The following KAZN variants were observed in gnomAD, a reference collection of about 807,000 sequenced individuals.
The protein encoded by KAZN is kazrin.
A neutral mutation model predicts 87.4 loss-of-function variants in KAZN; 40 were observed. The observed-to-expected ratio is 0.46, with a 90% CI of 0.36 to 0.60. KAZN has a LOEUF of 0.60. KAZN is among the 20% of genes least tolerant of loss of function. KAZN has a pLI of 0.00. For synonymous variants in KAZN, 466 were observed against 458.3 expected (o/e 1.02, Z -0.22); for missense variants, 898 against 1,073.9 (o/e 0.84, Z 2.29).
At chr1:14,436,973 C>T (rs372644851) in intron 2 of KAZN, among the ~76,000 whole-genome samples, 5 of 152,152 alleles carry the variant, frequency 3.3e-5, no homozygotes, top group Admixed American at 2.6e-4. Flanking sequence ...TTTTAAAAGT[C>T]CTGTTTCCCT....
At chr1:14,488,644 T>C (rs1186135674) in intron 2 of KAZN, among the ~76,000 whole-genome samples, 6 of 152,190 alleles carry the variant, frequency 3.9e-5, no homozygotes. Flanking sequence ...ACAGGCTGCT[T>C]TTTTCATTCA....
Position 14,598,813 on chromosome 1 carries a change from C to T in KAZN, c.-185C>T, listed in dbSNP as rs1256331715. The T allele has an allele frequency of 7.3e-6, 10 of 1,362,216 alleles. No homozygotes were observed. 84.4% of individuals were successfully genotyped at this position (1,362,216 alleles called of 1,614,324 possible). On this transcript the variant is annotated 5_prime_UTR_variant, in exon 1 of 15. Transcript: ENST00000376030. This position sits in a 1 kb window ranked among gnomAD's most constrained non-coding sequence, Gnocchi z 4.2. Reference sequence around the variant, plus strand: ...CGCCTCGCCACCGCCGCGGCTAGGGCTGGAGGCGCCGCTGTCATTCCTGTG... The same window carrying T: ...CGCCTCGCCACCGCCGCGGCTAGGGTTGGAGGCGCCGCTGTCATTCCTGTG...
At chr1:14,030,635 T>TACACACACACAC (rs60838104) in intron 1 of KAZN, among the ~76,000 whole-genome samples, 166 of 145,112 alleles carry the variant, frequency 1.1e-3, no homozygotes, top group African/African-American at 4.0e-3. Flanking sequence ...TGTACACAGA[T>TACACACACACAC]ACACACACAC....
In KAZN at chr1:15,104,057, A is replaced by G. The variant is rs779271931; in HGVS notation, c.1916A>G (p.His639Arg). 1 of 1,613,772 alleles carries G rather than the reference A, an allele frequency of 6.2e-7. No individual in the cohort carries two copies. The highest frequency in any genetic ancestry group is 8.5e-7 in the Non-Finnish European group (1 of 1,179,822). The change falls in exon 13 of 15, where the codon CAT becomes CGT. Residue 639 changes from histidine to arginine, a missense_variant. By Grantham distance (29) the His-to-Arg change is conservative (BLOSUM62 0). Coordinates refer to ENST00000376030, the MANE Select transcript of KAZN (RefSeq NM_201628.3). ...YADNLTNSGV[H>R]GAVLVLEPTF... The stretch of plus-strand genomic sequence containing the variant: ...GACAACCTGACCAACAGCGGCGTCC[A>G]TGGTGCTGTGCTGGTGCTGGAGCCC...
chr1:15,075,881 C>T (rs1639717376), intron 8 of KAZN, among the ~76,000 whole-genome samples: 1 of 152,214 alleles, frequency 6.6e-6, no homozygotes, highest in African/African-American at 2.4e-5. Flanking sequence ...TGGGCATGTC[C>T]ATGCTGCCAG....
At chr1:15,088,701 A>AC (rs1640385349) in intron 8 of KAZN, among the ~76,000 whole-genome samples, 1 of 151,132 alleles carries the variant, frequency 6.6e-6, no homozygotes, top group Non-Finnish European at 1.5e-5. Context: ...ATGGTTTATG[A>AC]CCCCAAGGCC....
chr1:14,925,767 C>T (rs1162812078), intron 1 of KAZN, among the ~76,000 whole-genome samples: 37 of 152,152 alleles, frequency 2.4e-4, no homozygotes. Context: ...ATGGTAGCCT[C>T]CCCAGGAGAT....
chr1:14,758,509 C>T (rs2100531643), intron 1 of KAZN, among the ~76,000 whole-genome samples: 1 of 151,664 alleles, frequency 6.6e-6, no homozygotes, highest in East Asian at 1.9e-4. Flanking sequence ...ATGAGAGTTT[C>T]ACTATGTTGC....
chr1:14,541,664 G>T (rs1260661115), intron 2 of KAZN, among the ~76,000 whole-genome samples: 1 of 152,330 alleles, frequency 6.6e-6, no homozygotes, highest in Non-Finnish European at 1.5e-5. Flanking sequence ...CCCATCTGGG[G>T]CAAAGCTTCG....
intron 1 of KAZN, among the ~76,000 whole-genome samples, chr1:14,771,869 A>G (rs2038116): frequency 0.59 from 89,636 of 151,934 alleles, 27,589 homozygotes; most frequent in Middle Eastern, 0.73. Context: ...AAGGGGTAGA[A>G]ATACTGCCCC....
chr1:14,311,188 G>A (rs781095667), intron 2 of KAZN, among the ~76,000 whole-genome samples: 2 of 152,156 alleles, frequency 1.3e-5, no homozygotes, highest in African/African-American at 4.8e-5. Context: ...GGAATATCAT[G>A]GAGGGTTAAG....
At chr1:14,734,282 G>T (rs994950842) in intron 1 of KAZN, among the ~76,000 whole-genome samples, 4 of 150,724 alleles carry the variant, frequency 2.7e-5, no homozygotes, top group Admixed American at 2.0e-4. Context: ...TGGGGCCAGA[G>T]AGTCTGTGTT....
At chr1:14,012,074 T>A (rs2101195570) in intron 1 of KAZN, among the ~76,000 whole-genome samples, 1 of 152,348 alleles carries the variant, frequency 6.6e-6, no homozygotes, top group South Asian at 2.1e-4. Context: ...CTCCACACCC[T>A]ACTCTTGCCA....
intron 2 of KAZN, among the ~76,000 whole-genome samples, chr1:14,229,806 C>G (rs1194592719): frequency 6.6e-6 from 1 of 152,242 alleles, no homozygotes; most frequent in Non-Finnish European, 1.5e-5. Context: ...GGAAGATGTT[C>G]TGAAAAATTG....
chr1:14,489,736 A>AAAT (rs57610968), intron 2 of KAZN, among the ~76,000 whole-genome samples: 20,336 of 144,358 alleles, frequency 0.14, 1,690 homozygotes, highest in African/African-American at 0.23. Flanking sequence ...TCTGTCTTAA[A>AAAT]AATAATAATA....
In KAZN at chr1:14,483,970, C is replaced by T. The variant is rs74983351; in HGVS notation, c.250-115013C>T. Among the ~76,000 whole-genome samples, 271 of 152,284 alleles carry T rather than the reference C, an allele frequency of 1.8e-3. 2 individuals are homozygous for T. Among genetic ancestry groups the T allele is most frequent in the African/African-American group, 6.4e-3 (264 of 41,558 alleles). On this transcript the variant is annotated intron_variant, in intron 2 of 16. Coordinates refer to the KAZN transcript ENST00000636203. ...TGTGAGATAATGGTCTAATTTGATT[C>T]TCCCGCATGTGGATATCCAGTTTTT...
intron 1 of KAZN, among the ~76,000 whole-genome samples, chr1:14,922,509 C>T (rs943454565): frequency 6.6e-6 from 1 of 152,138 alleles, no homozygotes; most frequent in African/African-American, 2.4e-5. Context: ...CAGCACTTCC[C>T]ATGCCACTCT....
At chr1:15,069,878 C>T (rs181306736) in intron 8 of KAZN, among the ~76,000 whole-genome samples, 4 of 152,290 alleles carry the variant, frequency 2.6e-5, no homozygotes, top group Admixed American at 6.5e-5. Flanking sequence ...CTCCTACCCA[C>T]GTTGCAGGCT....
chr1:14,344,233 T>C (rs1657948602), intron 2 of KAZN, among the ~76,000 whole-genome samples: 1 of 147,300 alleles, frequency 6.8e-6, no homozygotes, highest in South Asian at 2.2e-4. Context: ...ACAGTCACCA[T>C]CAGTCACAGA....
Sources: allele counts gnomAD v4.1 joint callset (sites outside exome capture counted in the v4.1 genomes callset), GRCh38; gene constraint gnomAD v4.1.1; non-coding constraint Gnocchi (gnomAD v3.1); transcripts MANE v1.5; gene names NCBI Gene and HGNC (gene_info 2026-07-23, HGNC 2026-07-21).